The following PHF14 variants were observed in gnomAD, a reference collection of about 807,000 sequenced individuals.
PHF14 encodes the protein PHD finger protein 14.
In PHF14, 55 loss-of-function variants were observed where a neutral mutation model predicts 117.9. The observed-to-expected ratio is 0.47, with a 90% CI of 0.38 to 0.58. The LOEUF is 0.58. Among genes scored for constraint, PHF14 ranks in the 20% least tolerant of loss-of-function variants. The probability of loss-of-function intolerance (pLI) is 0.00; values close to 1 mark genes in which losing one functional copy is unlikely to be tolerated. For missense variants in PHF14, 978 were observed against 1,122.2 expected, an observed-to-expected ratio of 0.87 and a Z score of 1.84; for synonymous variants, 409 against 368.6, an observed-to-expected ratio of 1.11 and a Z score of -1.26.
intron 7 of PHF14, among the ~76,000 whole-genome samples, chr7:11,033,518 A>T (rs1028577586): frequency 3.9e-5 from 6 of 152,186 alleles, no homozygotes; most frequent in African/African-American, 1.2e-4. Flanking sequence ...ACATGGCCAC[A>T]TCTAGCTGTG....
At chr7:11,078,483 G>A (rs79146837) in intron 16 of PHF14, among the ~76,000 whole-genome samples, 2,047 of 152,180 alleles carry the variant, frequency 0.013, 47 homozygotes, top group East Asian at 0.1. Flanking sequence ...CTGCGAGCCA[G>A]TTTTCTCATT....
chr7:11,063,163 GA>G (rs1227080840), intron 16 of PHF14: 2 of 971,138 alleles, frequency 2.1e-6, no homozygotes, highest in African/African-American at 3.5e-5. Flanking sequence ...AATTACAGTA[GA>G]AAAAGACAAA....
chr7:11,042,786 A>G lies in PHF14; in HGVS notation c.2284A>G (p.Met762Val). ...ATGTCTGGATCCTCCTCTTACAAGG[A>G]TGCCAAGAAAGACCAAAAACAGTTA... The part of the protein sequence containing the change: ...LGCLDPPLTR[M>V]PRKTKNSYWQ... Residue 762 changes from methionine to valine, a missense_variant, in exon 13 of 18, where the codon ATG becomes GTG. By Grantham distance (21) the Met-to-Val change is conservative. Transcript: ENST00000634607. 6.3e-7 allele frequency: 1 copy of G among 1,583,844 alleles called. No homozygotes were observed.
At chr7:10,992,433 C>T (rs1172703079) in intron 4 of PHF14, among the ~76,000 whole-genome samples, 8 of 151,028 alleles carry the variant, frequency 5.3e-5, no homozygotes, top group Non-Finnish European at 1.0e-4. Flanking sequence ...GAGGCCGAGG[C>T]GGGCGGATCA....
At chr7:11,023,932 A>G (rs929342924) in intron 6 of PHF14, among the ~76,000 whole-genome samples, 4 of 152,250 alleles carry the variant, frequency 2.6e-5, no homozygotes, top group Non-Finnish European at 5.9e-5. Context: ...ATTAAAAGCT[A>G]GAAATGATTA....
intron 17 of PHF14, among the ~76,000 whole-genome samples, chr7:11,140,149 C>A (rs1032362256): frequency 1.3e-5 from 2 of 152,068 alleles, no homozygotes; most frequent in African/African-American, 4.8e-5. Flanking sequence ...CATACCCCTG[C>A]ACACACCTGT....
chr7:11,009,560 C>T (rs1291741234), intron 4 of PHF14, among the ~76,000 whole-genome samples: 1 of 152,104 alleles, frequency 6.6e-6, no homozygotes, highest in Non-Finnish European at 1.5e-5. Context: ...TTCCCATACT[C>T]ATGTTTTATA....
In PHF14 at chr7:11,000,834, ATC is replaced by A. The variant is rs1443100548; in HGVS notation, c.1045+9992_1045+9993del. On this transcript the variant is annotated intron_variant, in intron 4 of 17. Coordinates refer to ENST00000634607, the MANE Select transcript of PHF14 (RefSeq NM_001007157.2). ...TTTGTCTTTTTATTCTCTTGAAGGT[ATC>A]TCTCACAGAGCAGAAGTTTTACATT... Among the ~76,000 whole-genome samples, 3 of 152,198 alleles carry A rather than the reference ATC, an allele frequency of 2.0e-5. No homozygotes were observed. The East Asian group carries it at 5.8e-4, about 29-fold the overall frequency.
intron 4 of PHF14, among the ~76,000 whole-genome samples, chr7:11,011,142 A>G (rs2128315521): frequency 6.6e-6 from 1 of 152,362 alleles, no homozygotes; most frequent in East Asian, 1.9e-4. Context: ...TGAAATACTT[A>G]CATGTAACCA....
At chr7:11,036,878 G>A in intron 9 of PHF14, 107 bp from the exon 10 acceptor site, 2 of 967,474 alleles carry the variant, frequency 2.1e-6, no homozygotes, top group South Asian at 3.2e-5. Flanking sequence ...ATACTTAAAA[G>A]TTTTAAACTA....
intron 17 of PHF14, among the ~76,000 whole-genome samples, chr7:11,151,112 A>C (rs533384195): frequency 9.2e-5 from 14 of 152,326 alleles, no homozygotes; most frequent in African/African-American, 2.4e-4. Context: ...ATATAAATTT[A>C]AATTTTCTGA....
At chr7:11,098,333 G>A (rs760431262) in intron 16 of PHF14, among the ~76,000 whole-genome samples, 5 of 151,892 alleles carry the variant, frequency 3.3e-5, no homozygotes, top group East Asian at 1.9e-4. Flanking sequence ...GAGACCTTTC[G>A]CAGTGTCTAG....
At chr7:11,047,612 C>A (rs1454742980) in intron 13 of PHF14, among the ~76,000 whole-genome samples, 1 of 149,922 alleles carries the variant, frequency 6.7e-6, no homozygotes, top group African/African-American at 2.5e-5. Flanking sequence ...CATGATGAAA[C>A]CCTGTCTCTA....
At chr7:10,997,005 A>T (rs1782677105) in intron 4 of PHF14, among the ~76,000 whole-genome samples, 1 of 152,198 alleles carries the variant, frequency 6.6e-6, no homozygotes, top group African/African-American at 2.4e-5. Flanking sequence ...AGGAATATTG[A>T]GTTCTAAGTG....
chr7:11,041,006 C>G (rs1019621019), intron 12 of PHF14, among the ~76,000 whole-genome samples: 1 of 151,786 alleles, frequency 6.6e-6, no homozygotes. Context: ...CTTTGGGGAA[C>G]TGGAAAATTA....
intron 16 of PHF14, chr7:11,104,215 C>A: frequency 1.0e-6 from 1 of 983,958 alleles, no homozygotes; most frequent in Non-Finnish European, 1.2e-6. Flanking sequence ...TCATCATTTT[C>A]CATCTTGCAT....
At position 11,023,024 on chromosome 7, in the gene PHF14, A is replaced by G. The variant is rs754451456; in HGVS notation, c.1317+45A>G. The G allele has an allele frequency of 1.4e-5, 15 of 1,059,018 alleles. No individual in the cohort carries two copies. The South Asian group carries it at 2.0e-4, about 14-fold the overall frequency. The allele number at this position is 1,059,018 out of a possible 1,614,324, so 65.6% of individuals were successfully genotyped here. On this transcript the variant is annotated intron_variant, in intron 6 of 17. Coordinates refer to ENST00000634607, the MANE Select transcript of PHF14 (RefSeq NM_001007157.2). ...TGATTGCTTGAAAGAGAAAGGTTTTACTTGTTAGTTTACCTGGCTTTTTAT... is the reference window on the plus strand; with the variant it reads ...TGATTGCTTGAAAGAGAAAGGTTTTGCTTGTTAGTTTACCTGGCTTTTTAT...
chr7:11,126,142 A>G (rs1787922684), intron 17 of PHF14, among the ~76,000 whole-genome samples: 1 of 152,136 alleles, frequency 6.6e-6, no homozygotes, highest in African/African-American at 2.4e-5. Flanking sequence ...TCATTTTTCC[A>G]AAGCACAGAT....
At chr7:11,110,635 C>G in intron 16 of PHF14, 2 of 449,446 alleles carry the variant, frequency 4.4e-6, no homozygotes, top group Non-Finnish European at 5.9e-6. Context: ...CTAGGAAGTA[C>G]TTTGTAAAAC....
Sources: allele counts gnomAD v4.1 joint callset (sites outside exome capture counted in the v4.1 genomes callset), GRCh38; gene constraint gnomAD v4.1.1; transcripts MANE v1.5; gene names NCBI Gene and HGNC (gene_info 2026-07-23, HGNC 2026-07-21).